Variants in TMEM92 observed in about 807,000 individuals in gnomAD.
TMEM92 encodes transmembrane protein 92.
A neutral mutation model predicts 14.6 loss-of-function variants in TMEM92; 15 were observed. The observed-to-expected ratio is 1.03, with a 90% CI of 0.69 to 1.58. The LOEUF (loss-of-function observed/expected upper bound fraction) is 1.58. TMEM92 is among the 40% of genes most tolerant of loss of function. The probability of loss-of-function intolerance (pLI) is 0.00; values close to 1 mark genes in which losing one functional copy is unlikely to be tolerated. For missense variants in TMEM92, 174 were observed against 202.4 expected, an observed-to-expected ratio of 0.86 and a Z score of 0.85; for synonymous variants, 85 against 83.3, an observed-to-expected ratio of 1.02 and a Z score of -0.11.
In TMEM92 at chr17:50,281,115, G is replaced by T. The variant is rs558124433; in HGVS notation, c.*1807G>T. On this transcript the variant is annotated 3_prime_UTR_variant, in exon 5 of 5. Transcript: ENST00000507382. ...AACTCCTCCTAGGGAGTAGCAGAGT[G>T]GCCCTAGGGAAAGTGGCCATCCTGA... The T allele has an allele frequency of 1.3e-5, 2 of 152,130 alleles. No homozygotes were observed. The highest frequency in any genetic ancestry group is 1.3e-4 in the Admixed American group (2 of 15,284). 9.4% of individuals were successfully genotyped at this position (152,130 alleles called of 1,614,324 possible).
chr17:50,274,808 C>A (rs1395488797), intron 1 of TMEM92: 6 of 556,946 alleles, frequency 1.1e-5, no homozygotes, highest in Admixed American at 1.0e-4. Context: ...GTGGCCACCA[C>A]CCACCACCTT....
chr17:50,274,407 C>G, upstream of TMEM92: 1 of 1,313,548 alleles, frequency 7.6e-7, no homozygotes, highest in Non-Finnish European at 1.1e-6. Context: ...AGCTCCGCCC[C>G]CATCCCGAGG....
At position 50,279,193 on chromosome 17, in the gene TMEM92, A is replaced by G. The variant is rs1429526433; in HGVS notation, c.367-2A>G. The G allele has an allele frequency of 6.2e-7, 1 of 1,613,468 alleles. No individual in the cohort carries two copies. Among genetic ancestry groups the G allele is most frequent in the Admixed American group, 1.7e-5 (1 of 60,010 alleles). On this transcript the variant is annotated splice_acceptor_variant, in intron 4 of 4. Transcript: ENST00000507382. LOFTEE classifies it high-confidence loss of function. ...AGACTGAATTCTCTCTTTTCCCTGCAGGTGATTCTGAAGCCCAGCCTGGGC... is the reference window on the plus strand; with the variant it reads ...AGACTGAATTCTCTCTTTTCCCTGCGGGTGATTCTGAAGCCCAGCCTGGGC...
At chr17:50,278,653 T>G in intron 3 of TMEM92, 23 bp downstream of exon 3, 1 of 1,611,648 alleles carries the variant, frequency 6.2e-7, no homozygotes, top group Non-Finnish European at 8.5e-7. Context: ...CCAGCTCCTT[T>G]GGGTGCAGTC....
In TMEM92 at chr17:50,274,558, T is replaced by A. The variant is rs1835623586; in HGVS notation, c.57T>A (p.Ala19=). The stretch of plus-strand genomic sequence containing the variant: ...CCACCTTGCTGTTCAGCCTGCTGGC[T>A]GGCCCCCAAAAGGTGAGACTGGGAG... ...LAPTLLFSLL[A]GPQKIAAKCG... The change falls in exon 1 of 5, where the codon GCT becomes GCA. Residue 19 remains alanine, a synonymous_variant. Coordinates refer to ENST00000507382, the MANE Select transcript of TMEM92 (RefSeq NM_153229.3). 1 of 1,613,740 alleles carries A rather than the reference T, an allele frequency of 6.2e-7. No homozygotes were observed. The highest frequency in any genetic ancestry group is 1.3e-5 in the African/African-American group (1 of 74,948).
At chr17:50,272,844 G>A (rs552783603), upstream of TMEM92, among the ~76,000 whole-genome samples, 30 of 152,164 alleles carry the variant, frequency 2.0e-4, no homozygotes, top group African/African-American at 7.2e-4. Flanking sequence ...GAGGCAGACA[G>A]AGGTGAACAG....
chr17:50,274,215 A>T (rs188367455), upstream of TMEM92, among the ~76,000 whole-genome samples: 546 of 152,142 alleles, frequency 3.6e-3, 8 homozygotes, highest in Admixed American at 0.032. Flanking sequence ...TCCTGACCTG[A>T]AGTGATCCTC....
upstream of TMEM92, chr17:50,274,391 C>G: frequency 4.5e-6 from 5 of 1,100,792 alleles, no homozygotes; most frequent in Non-Finnish European, 6.8e-6. Flanking sequence ...CCGCCTCTCC[C>G]GGTGCAGCTC....
At chr17:50,277,129 G>C (rs1027734811) in intron 1 of TMEM92, among the ~76,000 whole-genome samples, 2 of 152,138 alleles carry the variant, frequency 1.3e-5, no homozygotes, top group Admixed American at 1.3e-4. Flanking sequence ...GAATCCCTTA[G>C]GCAGGGATCT....
chr17:50,278,728 G>A (rs766609111), intron 3 of TMEM92, 73 bp from the exon 4 acceptor site: 30 of 1,569,726 alleles, frequency 1.9e-5, no homozygotes, highest in East Asian at 4.5e-5. Context: ...TGTGGGCGGC[G>A]GGAGCGGGGA....
At chr17:50,279,153 G>C (rs1275342717) in intron 4 of TMEM92, 42 bp from the exon 5 acceptor site, 1 of 1,595,546 alleles carries the variant, frequency 6.3e-7, no homozygotes, top group Non-Finnish European at 8.6e-7. Flanking sequence ...GTGGTGGCCA[G>C]GGCCAGGGCC....
rs1390812500 is a variant in TMEM92, at chr17:50,280,853, T to C, written c.*1545T>C. ...GACAATATAGTGCCAGGGTTGGCCATAGGAGAATGAGCCCAAGCGTAAGTG... is the reference window on the plus strand; with the variant it reads ...GACAATATAGTGCCAGGGTTGGCCACAGGAGAATGAGCCCAAGCGTAAGTG... On this transcript the variant is annotated 3_prime_UTR_variant, in exon 5 of 5. Coordinates refer to ENST00000507382, the MANE Select transcript of TMEM92 (RefSeq NM_153229.3). 1 of 152,260 alleles carries C rather than the reference T, an allele frequency of 6.6e-6. No individual in the cohort carries two copies. Among genetic ancestry groups the C allele is most frequent in the Non-Finnish European group, 1.5e-5 (1 of 68,086 alleles). The allele number at this position is 152,260 out of a possible 1,614,324, so 9.4% of individuals were successfully genotyped here. A position where few individuals can be genotyped will look rare whatever the true frequency, so the allele number is the denominator to read the frequency against.
At position 50,278,855 on chromosome 17, in the gene TMEM92, G is replaced by A. The variant is rs1021509773; in HGVS notation, c.225G>A (p.Leu75=). The change falls in exon 4 of 5, where the codon CTG becomes CTA. Residue 75 remains leucine, a synonymous_variant. Coordinates refer to ENST00000507382, the MANE Select transcript of TMEM92 (RefSeq NM_153229.3). The part of the protein sequence containing the change: ...VILSVFCICG[L]AKCFCRNCRE... Reference sequence around the variant, plus strand: ...TGTCCGTCTTTTGCATCTGTGGCCTGGCTAAGTGCTTCTGTCGCAACTGCA... The same window carrying A: ...TGTCCGTCTTTTGCATCTGTGGCCTAGCTAAGTGCTTCTGTCGCAACTGCA... 6.2e-7 allele frequency: 1 copy of A among 1,613,778 alleles called. No individual in the cohort carries two copies.
chr17:50,277,794 A>C, intron 2 of TMEM92, 54 bp downstream of exon 2: 1 of 1,607,156 alleles, frequency 6.2e-7, no homozygotes, highest in East Asian at 2.2e-5. Flanking sequence ...AGCAACCTAA[A>C]TCATGCCCTG....
intron 1 of TMEM92, among the ~76,000 whole-genome samples, chr17:50,276,337 C>T (rs1910431528): frequency 6.6e-6 from 1 of 152,106 alleles, no homozygotes; most frequent in African/African-American, 2.4e-5. Context: ...TTCACAGACT[C>T]ACCCTTTCTG....
At chr17:50,277,693 C>G (rs73338191) in intron 1 of TMEM92, 22 bp from the exon 2 acceptor site, 2 of 1,613,800 alleles carry the variant, frequency 1.2e-6, no homozygotes, top group African/African-American at 2.7e-5. Flanking sequence ...CCCTGACCCC[C>G]GACCTCTCTT....
At position 50,280,180 on chromosome 17, in the gene TMEM92, G is replaced by T; in HGVS notation, c.*872G>T. On this transcript the variant is annotated 3_prime_UTR_variant, in exon 5 of 5. Transcript: ENST00000507382. ...GGGTTGGATCCAGGAAGCAGCCCTG[G>T]GACAGCCCATTCTGCTGTTGATAGC... is the stretch of plus-strand genomic sequence containing the variant. 1 of 152,340 alleles carries T rather than the reference G, an allele frequency of 6.6e-6. No individual in the cohort carries two copies. The allele number at this position is 152,340 out of a possible 1,614,324, so 9.4% of individuals were successfully genotyped here.
rs8082663 is a variant in TMEM92, at chr17:50,280,585, C to A, written c.*1277C>A. On this transcript the variant is annotated 3_prime_UTR_variant, in exon 5 of 5. Coordinates refer to ENST00000507382, the MANE Select transcript of TMEM92 (RefSeq NM_153229.3). ...GCCTCCTTCTCCAGGCAGAGAGCCCCATGTCAATGCTGGCCAAAGCTCTCA... is the reference window on the plus strand; with the variant it reads ...GCCTCCTTCTCCAGGCAGAGAGCCCAATGTCAATGCTGGCCAAAGCTCTCA... The A allele has an allele frequency of 0.099, 15,173 of 152,532 alleles. 2,499 individuals are homozygous for A. The highest frequency in any genetic ancestry group is 0.34 in the African/African-American group (14,213 of 41,470). 9.4% of individuals were successfully genotyped at this position (152,532 alleles called of 1,614,324 possible). A position where few individuals can be genotyped will look rare whatever the true frequency, so the allele number is the denominator to read the frequency against.
At chr17:50,274,418 C>A, upstream of TMEM92, 1 of 1,463,370 alleles carries the variant, frequency 6.8e-7, no homozygotes. Flanking sequence ...CATCCCGAGG[C>A]GGGGCCCCAT....
Sources: gnomAD v4.1 joint callset for allele counts (sites outside exome capture counted in the v4.1 genomes callset) on GRCh38, gnomAD v4.1.1 for gene constraint, MANE v1.5 for transcripts, NCBI Gene and HGNC (gene_info 2026-07-23, HGNC 2026-07-21) for gene names.